Variants in CNTLN observed in about 807,000 individuals in gnomAD.
CNTLN encodes centlein, centrosomal protein.
A neutral mutation model predicts 180.0 loss-of-function variants in CNTLN; 212 were observed. That is an observed-to-expected ratio of 1.18 (90% CI 1.05 to 1.32). The LOEUF (loss-of-function observed/expected upper bound fraction) is 1.32. Ranked by LOEUF, CNTLN falls within the 40% of genes most tolerant of loss-of-function variation. CNTLN has a pLI of 0.00. For missense variants in CNTLN, 2,095 were observed against 1,610.9 expected (o/e 1.30, Z -5.14); for synonymous variants, 722 against 563.1 (o/e 1.28, Z -3.99).
At chr9:17,414,692 G>T (rs554922678) in intron 16 of CNTLN, among the ~76,000 whole-genome samples, 1 of 152,232 alleles carries the variant, frequency 6.6e-6, no homozygotes, top group East Asian at 1.9e-4. Flanking sequence ...TCAGTTTCAT[G>T]ACTTTCAGGC....
At chr9:17,233,615 T>C (rs547709310) in intron 3 of CNTLN, among the ~76,000 whole-genome samples, 174 of 152,276 alleles carry the variant, frequency 1.1e-3, no homozygotes, top group Non-Finnish European at 1.7e-3. Context: ...CAGTATTGTT[T>C]GTATACCCCT....
chr9:17,477,001 G>A (rs569200561), intron 23 of CNTLN, among the ~76,000 whole-genome samples: 1 of 152,302 alleles, frequency 6.6e-6, no homozygotes, highest in South Asian at 2.1e-4. Context: ...GGCTAATGCA[G>A]CTGGGGACTT....
intron 5 of CNTLN, among the ~76,000 whole-genome samples, chr9:17,262,168 G>A (rs754788406): frequency 1.1e-4 from 17 of 151,438 alleles, no homozygotes; most frequent in Middle Eastern, 3.2e-3. Context: ...ACAGTGTGGC[G>A]ATTCCTCAGG....
chr9:17,367,012 A>G (rs535812467), intron 13 of CNTLN, among the ~76,000 whole-genome samples: 1 of 152,336 alleles, frequency 6.6e-6, no homozygotes, highest in South Asian at 2.1e-4. Context: ...ACACAAAAAA[A>G]ACACCTACAT....
intron 18 of CNTLN, among the ~76,000 whole-genome samples, chr9:17,419,871 T>G (rs1828570768): frequency 6.6e-6 from 1 of 152,212 alleles, no homozygotes; most frequent in South Asian, 2.1e-4. Flanking sequence ...TGCATACATA[T>G]GTACATTGAT....
chr9:17,515,057 C>T, the CNTLN span, among the ~76,000 whole-genome samples: 2 of 152,162 alleles, frequency 1.3e-5, no homozygotes, highest in Non-Finnish European at 2.9e-5. Context: ...ATTTTTGGTG[C>T]TCTGGCATAT....
At chr9:17,175,111 A>C (rs1265128395) in intron 2 of CNTLN, among the ~76,000 whole-genome samples, 3 of 152,174 alleles carry the variant, frequency 2.0e-5, no homozygotes, top group Non-Finnish European at 4.4e-5. Flanking sequence ...TCCTCTTAAC[A>C]AGGTCTTTTG....
chr9:17,343,976 G>A (rs1254438560), intron 12 of CNTLN, among the ~76,000 whole-genome samples: 4 of 152,130 alleles, frequency 2.6e-5, no homozygotes, highest in African/African-American at 7.2e-5. Flanking sequence ...TTAGCATAAC[G>A]TTTTCAAGGT....
chr9:17,431,232 G>C (rs1829403171), intron 18 of CNTLN, among the ~76,000 whole-genome samples: 1 of 151,908 alleles, frequency 6.6e-6, no homozygotes. Context: ...TTGTCTTTTT[G>C]ATAACAGCCA....
the CNTLN span, among the ~76,000 whole-genome samples, chr9:17,511,803 A>T: frequency 3.9e-5 from 6 of 152,284 alleles, no homozygotes; most frequent in East Asian, 1.9e-4. Context: ...GGTGCTCTAG[A>T]TAAAGGGGAG....
chr9:17,155,207 C>T (rs537316151), intron 2 of CNTLN, among the ~76,000 whole-genome samples: 21 of 152,242 alleles, frequency 1.4e-4, no homozygotes, highest in Non-Finnish European at 1.9e-4. Flanking sequence ...TAACACTCAC[C>T]GCGAGGGTCC....
At chr9:17,319,227 G>A (rs922778773) in intron 8 of CNTLN, among the ~76,000 whole-genome samples, 3 of 152,202 alleles carry the variant, frequency 2.0e-5, no homozygotes, top group Admixed American at 6.5e-5. Context: ...AGAGAGTGAG[G>A]ATAGTCTGGC....
rs192842947 is a variant in CNTLN, at chr9:17,185,664, G to C, written c.450-40539G>C. Among the ~76,000 whole-genome samples the C allele has an allele frequency of 1.4e-4, 21 of 152,272 alleles. 1 individual carries two copies. Among genetic ancestry groups the C allele is most frequent in the Admixed American group, 5.2e-4 (8 of 15,306 alleles). ...AAGAGGTTTCAGAGACCAAGGAGGT[G>C]AGGGAGATGCAAAACACATGGAAAG... is the stretch of plus-strand genomic sequence containing the variant. On this transcript the variant is annotated intron_variant, in intron 2 of 25. Transcript: ENST00000380647.
chr9:17,221,697 T>C (rs2132052839), intron 2 of CNTLN, among the ~76,000 whole-genome samples: 1 of 152,182 alleles, frequency 6.6e-6, no homozygotes, highest in East Asian at 1.9e-4. Context: ...CCCTCAGTAC[T>C]GCCTGTTCAT....
intron 18 of CNTLN, among the ~76,000 whole-genome samples, chr9:17,457,003 G>C (rs1307805866): frequency 1.3e-5 from 2 of 152,132 alleles, no homozygotes; most frequent in African/African-American, 4.8e-5. Context: ...GAGCGAGTTT[G>C]TTTGCACGCT....
intron 6 of CNTLN, among the ~76,000 whole-genome samples, chr9:17,288,094 G>A (rs1477598019): frequency 7.5e-6 from 1 of 132,548 alleles, no homozygotes; most frequent in East Asian, 2.2e-4. Context: ...TTTTAATTGT[G>A]ATGTTAGGGT....
At chr9:17,153,933 G>T (rs529158913) in intron 2 of CNTLN, among the ~76,000 whole-genome samples, 3 of 151,630 alleles carry the variant, frequency 2.0e-5, no homozygotes, top group Non-Finnish European at 4.4e-5. Flanking sequence ...CTTTTCTTCC[G>T]CTTGATCGAT....
chr9:17,405,592 T>C (rs1827322245), intron 15 of CNTLN, among the ~76,000 whole-genome samples: 1 of 151,616 alleles, frequency 6.6e-6, no homozygotes, highest in African/African-American at 2.4e-5. Flanking sequence ...TCACCTCTTA[T>C]TAGATTCCAC....
intron 25 of CNTLN, among the ~76,000 whole-genome samples, chr9:17,492,267 TTC>T (rs1588108797): frequency 1.3e-5 from 2 of 150,406 alleles, no homozygotes; most frequent in East Asian, 3.9e-4. Flanking sequence ...TAATTCCTTT[TTC>T]TTTCTTTCTT....
Sources: allele counts gnomAD v4.1 joint callset (sites outside exome capture counted in the v4.1 genomes callset), GRCh38; gene constraint gnomAD v4.1.1; transcripts MANE v1.5; gene names NCBI Gene and HGNC (gene_info 2026-07-23, HGNC 2026-07-21).